Variants in CAMK4 observed in about 807,000 individuals in gnomAD.
CAMK4 encodes the protein calcium/calmodulin-dependent protein kinase type IV.
CAMK4 carries 22 observed loss-of-function variants against 44.9 expected under a neutral mutation model. The observed-to-expected ratio is 0.49, with a 90% CI of 0.35 to 0.70. The LOEUF is 0.70. Among genes scored for constraint, CAMK4 ranks in the 30% least tolerant of loss-of-function variants. CAMK4 has a pLI of 0.01. For missense variants in CAMK4, 498 were observed against 586.8 expected, an observed-to-expected ratio of 0.85 and a Z score of 1.56; for synonymous variants, 218 against 215.4, an observed-to-expected ratio of 1.01 and a Z score of -0.11.
In CAMK4 at chr5:111,469,983, A is replaced by G. The variant is rs116771650; in HGVS notation, c.626-3328A>G. ...AAATGTCAGTATGGGGCTTGATAGC[A>G]TTTCAGACTGAATAAGATTCACTGA... On this transcript the variant is annotated intron_variant, in intron 7 of 10. Transcript: ENST00000282356. 6.4e-3 allele frequency among the ~76,000 whole-genome samples: 981 copies of G among 152,366 alleles called. 10 individuals are homozygous for G. The highest frequency in any genetic ancestry group is 0.022 in the African/African-American group (933 of 41,582).
In CAMK4 at chr5:111,478,398, C is replaced by A; in HGVS notation, c.719C>A (p.Pro240Gln). 6.4e-7 allele frequency: 1 copy of A among 1,569,594 alleles called. No individual in the cohort carries two copies. Among genetic ancestry groups the A allele is most frequent in the Non-Finnish European group, 8.7e-7 (1 of 1,146,506 alleles). ...TCCTCTAGACTTTGTGGATTTGAAC[C>A]ATTCTATGATGAAAGAGGCGATCAG... ...ITYILLCGFE[P>Q]FYDERGDQFM... The change falls in exon 9 of 11, where the codon CCA becomes CAA. Residue 240 changes from proline (P) to glutamine (Q), a missense_variant. Coordinates refer to ENST00000282356, the MANE Select transcript of CAMK4 (RefSeq NM_001744.6).
At chr5:111,373,521 G>T (rs1001167005) in intron 2 of CAMK4, among the ~76,000 whole-genome samples, 1 of 151,908 alleles carries the variant, frequency 6.6e-6, no homozygotes, top group Non-Finnish European at 1.5e-5. Context: ...ATCCTTTTTG[G>T]TTACTGTTTT....
chr5:111,295,203 A>C (rs1747433083), intron 1 of CAMK4, among the ~76,000 whole-genome samples: 1 of 152,212 alleles, frequency 6.6e-6, no homozygotes, highest in Admixed American at 6.5e-5. Flanking sequence ...ATAGAAAAAG[A>C]AGCCAGCATA....
At chr5:111,416,018 G>A (rs1409306656) in intron 5 of CAMK4, among the ~76,000 whole-genome samples, 1 of 152,126 alleles carries the variant, frequency 6.6e-6, no homozygotes, top group Non-Finnish European at 1.5e-5. Flanking sequence ...GTGTCTGTGT[G>A]GGCCTTGGAA....
chr5:111,464,882 T>G (rs934232012), intron 7 of CAMK4, among the ~76,000 whole-genome samples: 1 of 152,192 alleles, frequency 6.6e-6, no homozygotes, highest in Non-Finnish European at 1.5e-5. Flanking sequence ...TAATGGGTGA[T>G]ATAAAAAACT....
At chr5:111,254,459 A>T (rs1749651187) in intron 1 of CAMK4, among the ~76,000 whole-genome samples, 2 of 152,188 alleles carry the variant, frequency 1.3e-5, no homozygotes, top group Admixed American at 1.3e-4. Context: ...CAGGGAACAG[A>T]CCTGCTAACC....
intron 6 of CAMK4, among the ~76,000 whole-genome samples, chr5:111,447,232 G>C (rs532646372): frequency 6.6e-6 from 1 of 152,250 alleles, no homozygotes; most frequent in South Asian, 2.1e-4. Flanking sequence ...TATATGAACA[G>C]AGATAAATTA....
chr5:111,440,864 T>G (rs775753803), intron 5 of CAMK4, among the ~76,000 whole-genome samples: 7 of 152,208 alleles, frequency 4.6e-5, no homozygotes, highest in Non-Finnish European at 1.0e-4. Context: ...TTGCTCAATG[T>G]GATGTATTTT....
intron 7 of CAMK4, among the ~76,000 whole-genome samples, chr5:111,451,237 ACTATAG>A (rs1442119689): frequency 4.7e-5 from 5 of 105,288 alleles, no homozygotes. Flanking sequence ...ATTTCCCTGT[ACTATAG>A]GGAAATTTAT....
chr5:111,467,090 G>T (rs1238660378), intron 7 of CAMK4, among the ~76,000 whole-genome samples: 1 of 152,000 alleles, frequency 6.6e-6, no homozygotes, highest in Non-Finnish European at 1.5e-5. Context: ...GCGGGGAAAG[G>T]ATACCCTATT....
chr5:111,405,337 G>T (rs900283795), intron 5 of CAMK4, among the ~76,000 whole-genome samples: 1 of 152,130 alleles, frequency 6.6e-6, no homozygotes. Context: ...GCATGGTGGT[G>T]TGCGCCTATA....
intron 2 of CAMK4, among the ~76,000 whole-genome samples, chr5:111,362,257 T>C (rs1287954871): frequency 6.6e-6 from 1 of 152,038 alleles, no homozygotes; most frequent in Non-Finnish European, 1.5e-5. Context: ...AGGATTCAAA[T>C]TGAATTCTTT....
At chr5:111,425,158 G>T in intron 5 of CAMK4, among the ~76,000 whole-genome samples, 1 of 106,164 alleles carries the variant, frequency 9.4e-6, no homozygotes, top group African/African-American at 3.5e-5. Context: ...CCAAGACGCT[G>T]TCTTAAAAAA....
rs1185337259 is a variant in CAMK4, at chr5:111,488,756, A to G, written c.*4290A>G. On this transcript the variant is annotated 3_prime_UTR_variant, in exon 11 of 11. Transcript: ENST00000282356. Reference sequence around the variant, plus strand: ...CAAATTTTTTTAAAAAAAGGTCAACAAAGTGAATCAGCACTAGCATTTTCT... The same window carrying G: ...CAAATTTTTTTAAAAAAAGGTCAACGAAGTGAATCAGCACTAGCATTTTCT... 3 of 152,228 alleles carry G rather than the reference A, an allele frequency of 2.0e-5. No individual in the cohort carries two copies. The allele number at this position is 152,228 out of a possible 1,614,324, so 9.4% of individuals were successfully genotyped here.
intron 1 of CAMK4, among the ~76,000 whole-genome samples, chr5:111,338,345 T>C (rs1247380999): frequency 4.6e-5 from 7 of 151,220 alleles, no homozygotes; most frequent in Non-Finnish European, 4.4e-5. Context: ...ATTAAACATT[T>C]GTATCCTTTG....
chr5:111,305,220 G>A (rs372404161), intron 1 of CAMK4, among the ~76,000 whole-genome samples: 4 of 6,802 alleles, frequency 5.9e-4, no homozygotes, highest in African/African-American at 1.4e-3. Flanking sequence ...TTCAAAAGCT[G>A]GCAGAAGGCA....
chr5:111,431,920 A>G (rs1033654847), intron 5 of CAMK4, among the ~76,000 whole-genome samples: 1 of 152,176 alleles, frequency 6.6e-6, no homozygotes, highest in Admixed American at 6.5e-5. Flanking sequence ...TGAGAAGGTA[A>G]ATTAGTACAA....
intron 2 of CAMK4, among the ~76,000 whole-genome samples, chr5:111,355,485 T>TA (rs1175511611): frequency 2.9e-4 from 31 of 105,944 alleles, no homozygotes; most frequent in Admixed American, 7.2e-4. Context: ...TTCTGCATTC[T>TA]TTTTATTTAT....
At chr5:111,477,089 G>T (rs1008713150) in intron 8 of CAMK4, among the ~76,000 whole-genome samples, 3 of 152,200 alleles carry the variant, frequency 2.0e-5, no homozygotes, top group Non-Finnish European at 4.4e-5. Flanking sequence ...GGCAAGGTCA[G>T]ACTCTCTCGT....
Sources: allele counts gnomAD v4.1 joint callset (sites outside exome capture counted in the v4.1 genomes callset), GRCh38; gene constraint gnomAD v4.1.1; transcripts MANE v1.5; gene names NCBI Gene and HGNC (gene_info 2026-07-23, HGNC 2026-07-21).